The following LARS1 variants were observed in gnomAD, a reference collection of about 807,000 sequenced individuals.
The protein encoded by LARS1 is leucine--tRNA ligase, cytoplasmic.
A neutral mutation model predicts 162.8 loss-of-function variants in LARS1; 100 were observed. That is an observed-to-expected ratio of 0.61 (90% confidence interval 0.52 to 0.73). The LOEUF is 0.73. LARS1 is among the 30% of genes least tolerant of loss of function. The probability of loss-of-function intolerance (pLI) is 0.00; values close to 1 mark genes in which losing one functional copy is unlikely to be tolerated. For missense variants in LARS1, 1,258 were observed against 1,408.9 expected, an observed-to-expected ratio of 0.89 and a Z score of 1.71; for synonymous variants, 457 against 462.8, an observed-to-expected ratio of 0.99 and a Z score of 0.16.
At chr5:146,139,872 C>CA (rs34203668) in intron 21 of LARS1, among the ~76,000 whole-genome samples, 47,474 of 83,770 alleles carry the variant, frequency 0.57, 13,424 homozygotes, top group South Asian at 0.69. Flanking sequence ...GACTCCGTCT[C>CA]AAAAAAAAAA....
intron 27 of LARS1, among the ~76,000 whole-genome samples, 190 bp from the exon 28 acceptor site, chr5:146,126,735 T>G (rs970164169): frequency 5.3e-5 from 8 of 152,108 alleles, no homozygotes; most frequent in African/African-American, 1.9e-4. Context: ...TCCTATTCTC[T>G]ATAAATTAAC....
intron 27 of LARS1, among the ~76,000 whole-genome samples, chr5:146,128,118 T>C (rs980410835): frequency 6.6e-6 from 1 of 152,148 alleles, no homozygotes; most frequent in African/African-American, 2.4e-5. Context: ...AAAACTTAGA[T>C]CTAAGTTATT....
intron 6 of LARS1, among the ~76,000 whole-genome samples, chr5:146,163,118 C>A (rs992897424): frequency 3.3e-5 from 5 of 152,166 alleles, no homozygotes; most frequent in South Asian, 2.1e-4. Flanking sequence ...CTACAACTTG[C>A]ACTTTTCTAT....
chr5:146,182,623 T>C lies in LARS1; in HGVS notation c.-130A>G. The stretch of plus-strand genomic sequence containing the variant: ...GAAACTAAAGCACACGCTTCACACC[T>C]GCTGAGGCAATCATCCGGCTCCTTA... On this transcript the variant is annotated 5_prime_UTR_variant, in exon 1 of 32. Coordinates refer to ENST00000394434, the MANE Select transcript of LARS1 (RefSeq NM_020117.11). 8.1e-7 allele frequency: 1 copy of C among 1,230,896 alleles called. No homozygotes were observed. The highest frequency in any genetic ancestry group is 1.2e-5 in the South Asian group (1 of 82,116). 76.2% of individuals were successfully genotyped at this position (1,230,896 alleles called of 1,614,324 possible).
At position 146,175,606 on chromosome 5, in the gene LARS1, G is replaced by A. The variant is rs887383951; in HGVS notation, c.125+1941C>T. Among the ~76,000 whole-genome samples, 11 of 150,998 alleles carry A rather than the reference G, an allele frequency of 7.3e-5. No homozygotes were observed. In the South Asian group the frequency reaches 1.5e-3, roughly 20 times the overall value. On this transcript the variant is annotated intron_variant, in intron 2 of 31. Transcript: ENST00000394434. Reference sequence around the variant, plus strand: ...TGTAATCCCAGCACTTTGGAAGGCCGAGGCAGGCAGATCACGAGGTCAGGA... The same window carrying A: ...TGTAATCCCAGCACTTTGGAAGGCCAAGGCAGGCAGATCACGAGGTCAGGA...
rs1296975402 is a variant in LARS1, at chr5:146,174,571, C to CATATAT, written c.126-1803_126-1798dup. Among the ~76,000 whole-genome samples, 59 of 62,394 alleles carry CATATAT rather than the reference C, an allele frequency of 9.5e-4. 1 individual carries two copies. Among genetic ancestry groups the CATATAT allele is most frequent in the African/African-American group, 3.0e-3 (58 of 19,110 alleles). 40.9% of individuals were successfully genotyped at this position (62,394 alleles called of 152,430 possible). ...GTATATATCCATATATATATATATC[C>CATATAT]ATATATGTATATATCCATATATATA... On this transcript the variant is annotated intron_variant, in intron 2 of 31. Transcript: ENST00000394434.
Position 146,122,507 on chromosome 5 carries a change from A to C in LARS1, c.3177T>G (p.Asn1059Lys), listed in dbSNP as rs753487370. 8.1e-6 allele frequency: 13 copies of C among 1,597,864 alleles called. No individual in the cohort carries two copies. Among genetic ancestry groups the C allele is most frequent in the Non-Finnish European group, 1.1e-5 (13 of 1,166,900 alleles). ...REDCCPGKPLNVFRIEPGVSV... is the reference protein window; with the variant it reads ...REDCCPGKPLKVFRIEPGVSV... ...TTCAACTTACTTCTATTCTAAAAAC[A>C]TTAAGTGGTTTCCCAGGACAGCAGT... The change falls in exon 30 of 32, where the codon AAT (asparagine) becomes AAG (lysine). Residue 1059 changes from asparagine (N) to lysine (K), a missense_variant. Asn to Lys is a moderately conservative substitution (Grantham distance 94, BLOSUM62 0). Coordinates refer to ENST00000394434, the MANE Select transcript of LARS1 (RefSeq NM_020117.11).
At chr5:146,135,085 C>T (rs907965950) in intron 22 of LARS1, among the ~76,000 whole-genome samples, 1 of 152,094 alleles carries the variant, frequency 6.6e-6, no homozygotes. Flanking sequence ...CCCACTGCAA[C>T]CTCCGCCTCC....
rs147044022 is a variant in LARS1, at chr5:146,122,275, A to C, written c.3192+217T>G. 4.5e-3 allele frequency among the ~76,000 whole-genome samples: 685 copies of C among 152,108 alleles called. 7 individuals are homozygous for C. The highest frequency in any genetic ancestry group is 0.016 in the African/African-American group (658 of 41,442). ...AACATCTGATAGTTCCTATAATAGT[A>C]AACTGAGGAAAAGGTAAGTATTGCA... On this transcript the variant is annotated intron_variant, in intron 30 of 31. Coordinates refer to ENST00000394434, the MANE Select transcript of LARS1 (RefSeq NM_020117.11).
rs1200427004 is a variant in LARS1 at position 146,129,039 on chromosome 5, A to G, written c.2708T>C (p.Met903Thr). 6 of 1,611,936 alleles carry G rather than the reference A, an allele frequency of 3.7e-6. No individual in the cohort carries two copies. The highest frequency in any genetic ancestry group is 1.7e-5 in the Admixed American group (1 of 59,900). ...EVLIHSSQYLMEVTHDLRLRL... is the reference protein window; with the variant it reads ...EVLIHSSQYLTEVTHDLRLRL... ...TAGTCTAAGGTCATGTGTTACTTCCATAAGATACTGTGAGGAGTGTATTAA... is the reference window on the plus strand; with the variant it reads ...TAGTCTAAGGTCATGTGTTACTTCCGTAAGATACTGTGAGGAGTGTATTAA... Residue 903 changes from methionine to threonine, a missense_variant, in exon 26 of 32, where the codon ATG (methionine) becomes ACG (threonine). By Grantham distance (81) the Met-to-Thr change is moderately conservative. Coordinates refer to ENST00000394434, the MANE Select transcript of LARS1 (RefSeq NM_020117.11).
rs1753278111 is a variant in LARS1 at position 146,151,263 on chromosome 5, G to A, written c.1425+599C>T. Reference sequence around the variant, plus strand: ...ATTCTTGGTTATCCAGAAAAATGTAGGAAAGCTAAACTAAAAAACATTCTT... The same window carrying A: ...ATTCTTGGTTATCCAGAAAAATGTAAGAAAGCTAAACTAAAAAACATTCTT... On this transcript the variant is annotated intron_variant, in intron 14 of 31. Transcript: ENST00000394434. Among the ~76,000 whole-genome samples the A allele has an allele frequency of 2.0e-5, 3 of 151,980 alleles. No homozygotes were observed. In the South Asian group the frequency reaches 6.2e-4, roughly 32 times the overall value.
At chr5:146,175,869 G>C (rs1754538351) in intron 2 of LARS1, among the ~76,000 whole-genome samples, 1 of 151,628 alleles carries the variant, frequency 6.6e-6, no homozygotes, top group Admixed American at 6.6e-5. Context: ...AAGGTAAAAT[G>C]AGGCCAGGAG....
At chr5:146,142,816 C>A in intron 20 of LARS1, 56 bp downstream of exon 20, 2 of 1,317,464 alleles carry the variant, frequency 1.5e-6, no homozygotes, top group Non-Finnish European at 2.1e-6. Flanking sequence ...TTTGAAGCCA[C>A]AAGACACCCC....
intron 15 of LARS1, among the ~76,000 whole-genome samples, chr5:146,148,786 T>C (rs1268095020): frequency 1.3e-5 from 2 of 151,748 alleles, no homozygotes; most frequent in Non-Finnish European, 2.9e-5. Flanking sequence ...CTGTTAGAGA[T>C]GGAGATTAGC....
intron 27 of LARS1, 23 bp from the exon 28 acceptor site, chr5:146,126,568 G>C: frequency 1.8e-5 from 28 of 1,520,202 alleles, no homozygotes; most frequent in Non-Finnish European, 2.5e-5. Flanking sequence ...AGGAGGGAGA[G>C]TAATGTAGAA....
chr5:146,169,703 C>T (rs915727529), intron 4 of LARS1, among the ~76,000 whole-genome samples: 5 of 152,092 alleles, frequency 3.3e-5, no homozygotes, highest in African/African-American at 4.8e-5. Flanking sequence ...CACCTGCCAC[C>T]ACGCCCGGCT....
intron 3 of LARS1, among the ~76,000 whole-genome samples, chr5:146,172,194 T>C (rs954897270): frequency 6.6e-6 from 1 of 152,242 alleles, no homozygotes; most frequent in East Asian, 1.9e-4. Flanking sequence ...CATACACATA[T>C]GGCACATAAA....
rs1471754348 is a variant in LARS1, at chr5:146,172,916, C to T, written c.126-142G>A. ...AATATTTAAAAGTAAATTTATAAAT[C>T]TACAAATTTAAAACTCTCTAAAATT... On this transcript the variant is annotated intron_variant, in intron 2 of 31. Transcript: ENST00000394434. 7 of 422,388 alleles carry T rather than the reference C, an allele frequency of 1.7e-5. No homozygotes were observed. In the Admixed American group the frequency reaches 2.2e-4, roughly 13 times the overall value. 26.2% of individuals were successfully genotyped at this position (422,388 alleles called of 1,614,324 possible).
chr5:146,120,619 C>T, intron 30 of LARS1, 116 bp from the exon 31 acceptor site: 5 of 1,038,204 alleles, frequency 4.8e-6, no homozygotes, highest in Non-Finnish European at 6.9e-6. Context: ...ATTTTAAAAT[C>T]ATGACTAAGG....
Sources: allele counts gnomAD v4.1 joint callset (sites outside exome capture counted in the v4.1 genomes callset), GRCh38; gene constraint gnomAD v4.1.1; transcripts MANE v1.5; gene names NCBI Gene and HGNC (gene_info 2026-07-23, HGNC 2026-07-21).